ITGBL1: variants seen among roughly 807,000 people sequenced by gnomAD.
ITGBL1 encodes the protein integrin beta-like protein 1.
In ITGBL1, 51 loss-of-function variants were observed where a neutral mutation model predicts 68.5. The observed-to-expected ratio is 0.74, with a 90% CI of 0.59 to 0.94. The LOEUF (loss-of-function observed/expected upper bound fraction) is 0.94. Among genes scored for constraint, ITGBL1 ranks in the 40% least tolerant of loss-of-function variants. The pLI is 0.00. For synonymous variants in ITGBL1, 209 were observed against 227.3 expected (o/e 0.92, Z 0.72); for missense variants, 649 against 647.4 (o/e 1.00, Z -0.03).
intron 2 of ITGBL1, among the ~76,000 whole-genome samples, chr13:101,480,251 G>C (rs1380205906): frequency 6.6e-6 from 1 of 152,062 alleles, no homozygotes. Context: ...TCACTAAGTT[G>C]TGGGAGCTAA....
intron 8 of ITGBL1, among the ~76,000 whole-genome samples, chr13:101,696,608 A>G (rs74655427): frequency 0.02 from 3,017 of 152,088 alleles, 112 homozygotes; most frequent in African/African-American, 0.068. Flanking sequence ...ATTACCTCCT[A>G]TAGGAAGCCT....
chr13:101,549,639 A>G (rs1008791778), intron 2 of ITGBL1, among the ~76,000 whole-genome samples: 1 of 152,114 alleles, frequency 6.6e-6, no homozygotes, highest in African/African-American at 2.4e-5. Context: ...AATTTTTTAA[A>G]AGATTTTTTA....
intron 7 of ITGBL1, among the ~76,000 whole-genome samples, chr13:101,691,707 A>G (rs1486260632): frequency 1.3e-5 from 2 of 152,202 alleles, no homozygotes; most frequent in Non-Finnish European, 2.9e-5. Context: ...ATGTGGTTTA[A>G]TGGTTAGTTG....
At chr13:101,466,309 C>T (rs891095896) in intron 2 of ITGBL1, among the ~76,000 whole-genome samples, 30 of 152,260 alleles carry the variant, frequency 2.0e-4, no homozygotes, top group Middle Eastern at 3.4e-3. Flanking sequence ...GGTGAATCAC[C>T]GTAAGTGACA....
intron 2 of ITGBL1, among the ~76,000 whole-genome samples, chr13:101,455,400 C>T (rs1327040461): frequency 5.3e-5 from 8 of 152,146 alleles, no homozygotes; most frequent in Admixed American, 2.0e-4. Flanking sequence ...GGTGGGGTGG[C>T]TCACACCTGT....
intron 2 of ITGBL1, among the ~76,000 whole-genome samples, chr13:101,507,314 A>T (rs190434558): frequency 3.0e-4 from 46 of 152,272 alleles, no homozygotes; most frequent in Admixed American, 7.2e-4. Flanking sequence ...GGTAGAGTGG[A>T]TATCCAGAAA....
chr13:101,649,817 A>G (rs1331005478), intron 7 of ITGBL1, among the ~76,000 whole-genome samples: 1 of 152,222 alleles, frequency 6.6e-6, no homozygotes, highest in Non-Finnish European at 1.5e-5. Flanking sequence ...AGACTTTAGG[A>G]CACGTCTAGA....
chr13:101,602,669 A>G (rs7999376), intron 7 of ITGBL1, among the ~76,000 whole-genome samples: 151,210 of 152,042 alleles, frequency 0.99, 75,194 homozygotes, highest in Middle Eastern at 1. Context: ...CCACTGTCCA[A>G]TTCCAAAAAA....
At chr13:101,594,431 T>C (rs1224398410) in intron 6 of ITGBL1, among the ~76,000 whole-genome samples, 1 of 152,102 alleles carries the variant, frequency 6.6e-6, no homozygotes, top group Non-Finnish European at 1.5e-5. Context: ...AAAAATCAAC[T>C]CAAAATGAAT....
At chr13:101,664,555 C>T (rs1473911911) in intron 7 of ITGBL1, among the ~76,000 whole-genome samples, 1 of 151,840 alleles carries the variant, frequency 6.6e-6, no homozygotes, top group Non-Finnish European at 1.5e-5. Context: ...TGTTTAAATG[C>T]AGTTGGGATA....
intron 2 of ITGBL1, among the ~76,000 whole-genome samples, chr13:101,539,267 T>A (rs1400062031): frequency 6.8e-6 from 1 of 146,718 alleles, no homozygotes; most frequent in East Asian, 2.1e-4. Context: ...GTGTTCTCAT[T>A]GTTCAATTCC....
At chr13:101,621,881 C>T (rs982857671) in intron 7 of ITGBL1, among the ~76,000 whole-genome samples, 1 of 151,894 alleles carries the variant, frequency 6.6e-6, no homozygotes, top group Non-Finnish European at 1.5e-5. Flanking sequence ...CTGGATCAGA[C>T]AAGGAAATAA....
rs2050536105 is a variant in ITGBL1 at position 101,585,419 on chromosome 13, A to G, written c.868+2063A>G. 3.9e-5 allele frequency among the ~76,000 whole-genome samples: 6 copies of G among 152,154 alleles called. No individual in the cohort carries two copies. The South Asian group carries it at 1.2e-3, about 31-fold the overall frequency. The stretch of plus-strand genomic sequence containing the variant: ...TTAAAACTATGCTGGCATTCAGGAA[A>G]TGCCATTTGACAATACCATTTTCTT... On this transcript the variant is annotated intron_variant, in intron 6 of 10. Transcript: ENST00000376180.
At chr13:101,646,794 C>T (rs1426424437) in intron 7 of ITGBL1, among the ~76,000 whole-genome samples, 1 of 151,954 alleles carries the variant, frequency 6.6e-6, no homozygotes, top group Non-Finnish European at 1.5e-5. Context: ...AAGGAAAAAA[C>T]TTTTCAAAGG....
At chr13:101,472,497 T>A (rs2139645488) in intron 2 of ITGBL1, among the ~76,000 whole-genome samples, 1 of 152,366 alleles carries the variant, frequency 6.6e-6, no homozygotes, top group African/African-American at 2.4e-5. Flanking sequence ...TTAGAATTTC[T>A]TGAGAACTTC....
chr13:101,716,831 T>C (rs905067872), downstream of ITGBL1: 1 of 151,360 alleles, frequency 6.6e-6, no homozygotes, highest in Admixed American at 6.6e-5. Flanking sequence ...AAATAGAAAT[T>C]ACAAATATTC....
chr13:101,675,775 T>G (rs1327446432), intron 7 of ITGBL1, among the ~76,000 whole-genome samples: 2 of 152,060 alleles, frequency 1.3e-5, no homozygotes, highest in Non-Finnish European at 2.9e-5. Context: ...ATTCTATCTT[T>G]TCTCCTTCTG....
At chr13:101,462,338 G>A (rs190310992) in intron 2 of ITGBL1, among the ~76,000 whole-genome samples, 32 of 152,256 alleles carry the variant, frequency 2.1e-4, no homozygotes, top group African/African-American at 2.4e-4. Flanking sequence ...CTTTTGCCAC[G>A]TAAGGTGACA....
chr13:101,627,571 ATAGAG>A lies in ITGBL1; in HGVS notation c.1015+29276_1015+29280del, dbSNP rs200085569. ...CACGTACCCACCATGACAGTAACATATAGAGTAGTTTCACTGCCCTACAAATCCCC... is the reference window on the plus strand; with the variant it reads ...CACGTACCCACCATGACAGTAACATATAGTTTCACTGCCCTACAAATCCCC... On this transcript the variant is annotated intron_variant, in intron 7 of 10. Coordinates refer to ENST00000376180, the MANE Select transcript of ITGBL1 (RefSeq NM_004791.3). Among the ~76,000 whole-genome samples, 846 of 152,204 alleles carry A rather than the reference ATAGAG, an allele frequency of 5.6e-3. 9 individuals carry two copies. Among genetic ancestry groups the A allele is most frequent in the African/African-American group, 0.019 (796 of 41,538 alleles).
Sources: gnomAD v4.1 joint callset for allele counts (sites outside exome capture counted in the v4.1 genomes callset) on GRCh38, gnomAD v4.1.1 for gene constraint, MANE v1.5 for transcripts, NCBI Gene and HGNC (gene_info 2026-07-23, HGNC 2026-07-21) for gene names.